TMEM120B: variants seen among roughly 807,000 people sequenced by gnomAD.
TMEM120B encodes transmembrane protein 120B.
Under a neutral mutation model 55.5 loss-of-function variants are expected in TMEM120B, and 31 were observed. The ratio of observed to expected loss-of-function variants is 0.56; its 90% CI spans 0.42 to 0.75. The LOEUF is 0.75. Ranked by LOEUF, TMEM120B falls within the 30% of genes least tolerant of loss-of-function variation. The pLI, the probability that TMEM120B is intolerant of heterozygous loss-of-function variation, is 0.00. For missense variants in TMEM120B, 399 were observed against 425.5 expected (o/e 0.94, Z 0.55); for synonymous variants, 203 against 176.3 (o/e 1.15, Z -1.20).
At chr12:121,714,817 C>T (rs926809512) in intron 1 of TMEM120B, among the ~76,000 whole-genome samples, 9 of 151,896 alleles carry the variant, frequency 5.9e-5, no homozygotes, top group Non-Finnish European at 1.2e-4. Context: ...GCCTCGGCCT[C>T]CCAAAGTGCT....
At chr12:121,715,686 G>A (rs1381524544) in intron 1 of TMEM120B, among the ~76,000 whole-genome samples, 1 of 152,082 alleles carries the variant, frequency 6.6e-6, no homozygotes, top group Non-Finnish European at 1.5e-5. Context: ...TGGGTCAGGG[G>A]CCAGTCAGGG....
chr12:121,749,247 T>A (rs914434719), intron 3 of TMEM120B, among the ~76,000 whole-genome samples: 6 of 152,210 alleles, frequency 3.9e-5, no homozygotes, highest in African/African-American at 9.6e-5. Flanking sequence ...TAAGTGATGA[T>A]CATTTTCTGC....
chr12:121,713,073 C>A, intron 1 of TMEM120B, 109 bp downstream of exon 1: 1 of 893,682 alleles, frequency 1.1e-6, no homozygotes, highest in Non-Finnish European at 1.6e-6. Context: ...CTAGGGAGTG[C>A]CCCGGAGAGG....
intron 1 of TMEM120B, among the ~76,000 whole-genome samples, chr12:121,735,312 A>G (rs536120702): frequency 1.3e-4 from 20 of 152,290 alleles, no homozygotes; most frequent in African/African-American, 4.3e-4. Context: ...TATTTTATGA[A>G]GTCATATCTG....
intron 5 of TMEM120B, among the ~76,000 whole-genome samples, chr12:121,761,232 G>A (rs1266638368): frequency 6.6e-6 from 1 of 152,296 alleles, no homozygotes; most frequent in South Asian, 2.1e-4. Flanking sequence ...ATCTGTCTCA[G>A]CCTCCCCAAG....
At chr12:121,770,538 C>T (rs961104168) in intron 6 of TMEM120B, among the ~76,000 whole-genome samples, 5 of 151,882 alleles carry the variant, frequency 3.3e-5, no homozygotes, top group African/African-American at 1.2e-4. Flanking sequence ...GGCCTGCGTG[C>T]TGGGGAGAAG....
Position 121,775,451 on chromosome 12 carries a change from T to C in TMEM120B, c.907-158T>C. The C allele has an allele frequency of 4.1e-6, 4 of 984,848 alleles. No homozygotes were observed. The highest frequency in any genetic ancestry group is 4.8e-6 in the Non-Finnish European group (4 of 829,778). The allele number at this position is 984,848 out of a possible 1,614,324, so 61.0% of individuals were successfully genotyped here. Reference sequence around the variant, plus strand: ...CCAGGCCCTGCCCAAGCCTGAGGCCTCACCCTTCCCCCAGGTCTCCTGAAT... The same window carrying C: ...CCAGGCCCTGCCCAAGCCTGAGGCCCCACCCTTCCCCCAGGTCTCCTGAAT... On this transcript the variant is annotated intron_variant, in intron 11 of 11. Transcript: ENST00000449592. The surrounding 1 kb of genome is among the most constrained non-coding windows in gnomAD (Gnocchi z 4.3).
At chr12:121,730,219 G>A (rs774778701) in intron 1 of TMEM120B, among the ~76,000 whole-genome samples, 23 of 149,602 alleles carry the variant, frequency 1.5e-4, no homozygotes, top group Non-Finnish European at 3.1e-4. Flanking sequence ...GGATTGGGCC[G>A]CTGCACTCCA....
chr12:121,745,729 G>C (rs997521635), intron 2 of TMEM120B, among the ~76,000 whole-genome samples: 9 of 152,114 alleles, frequency 5.9e-5, no homozygotes, highest in African/African-American at 2.2e-4. Flanking sequence ...CTGTCACCCA[G>C]GCTGGAGTGC....
intron 8 of TMEM120B, among the ~76,000 whole-genome samples, chr12:121,771,903 G>T (rs568928177): frequency 3.2e-4 from 48 of 152,218 alleles, no homozygotes; most frequent in African/African-American, 1.1e-3. Context: ...TTTGTATACT[G>T]GTCCCAAGGG....
chr12:121,716,020 G>A (rs1894693966), intron 1 of TMEM120B, among the ~76,000 whole-genome samples: 1 of 149,930 alleles, frequency 6.7e-6, no homozygotes, highest in Non-Finnish European at 1.5e-5. Context: ...GGAGCTCGGT[G>A]CATTGGCTCA....
rs1874200096 is a variant in TMEM120B, at chr12:121,775,253, GGTGGGGTGT to G, written c.906+127_906+135del. ...GGAGGGCTGGGATGGCAGATGTGGG[GGTGGGGTGT>G]GTGCGTGTGTGTGGTGTGCTGTGGG... is the stretch of plus-strand genomic sequence containing the variant. On this transcript the variant is annotated intron_variant, in intron 11 of 11. Coordinates refer to ENST00000449592, the MANE Select transcript of TMEM120B (RefSeq NM_001080825.2). The surrounding 1 kb of genome is among the most constrained non-coding windows in gnomAD (Gnocchi z 4.3). The G allele has an allele frequency of 9.0e-7, 1 of 1,116,220 alleles. No individual in the cohort carries two copies. Among genetic ancestry groups the G allele is most frequent in the African/African-American group, 1.5e-5 (1 of 64,784 alleles). The allele number at this position is 1,116,220 out of a possible 1,614,324, so 69.1% of individuals were successfully genotyped here.
chr12:121,754,543 C>T (rs1873425616), intron 5 of TMEM120B, among the ~76,000 whole-genome samples: 1 of 152,190 alleles, frequency 6.6e-6, no homozygotes, highest in East Asian at 1.9e-4. Context: ...GGAGGGAGGA[C>T]CCTTCCTCGC....
intron 10 of TMEM120B, 76 bp downstream of exon 10, chr12:121,774,798 C>T: frequency 6.6e-7 from 1 of 1,516,822 alleles, no homozygotes; most frequent in Non-Finnish European, 9.0e-7. Flanking sequence ...AGGCCTTGCC[C>T]TCCTTCTCCA....
At chr12:121,723,519 G>T (rs1039581269) in intron 1 of TMEM120B, among the ~76,000 whole-genome samples, 2 of 152,190 alleles carry the variant, frequency 1.3e-5, no homozygotes, top group Non-Finnish European at 2.9e-5. Context: ...AGGAGCTGTA[G>T]TGGATGAAGG....
At chr12:121,736,053 A>C (rs755866743) in intron 1 of TMEM120B, among the ~76,000 whole-genome samples, 43 of 152,174 alleles carry the variant, frequency 2.8e-4, no homozygotes, top group Non-Finnish European at 1.0e-4. Flanking sequence ...GAAAAACTAC[A>C]TAGTAACACC....
At chr12:121,754,723 T>C (rs1431290587) in intron 5 of TMEM120B, among the ~76,000 whole-genome samples, 1 of 152,182 alleles carries the variant, frequency 6.6e-6, no homozygotes, top group Admixed American at 6.6e-5. Flanking sequence ...TTTGAACTAA[T>C]TCCATCTACA....
At chr12:121,746,198 T>G (rs1190677084) in intron 2 of TMEM120B, among the ~76,000 whole-genome samples, 2 of 150,424 alleles carry the variant, frequency 1.3e-5, no homozygotes, top group East Asian at 3.9e-4. Flanking sequence ...CACTTTTTTT[T>G]TTTTTTGAGA....
At chr12:121,767,934 G>A (rs2137345291) in intron 6 of TMEM120B, among the ~76,000 whole-genome samples, 1 of 152,334 alleles carries the variant, frequency 6.6e-6, no homozygotes, top group East Asian at 1.9e-4. Flanking sequence ...GGGAGCTTTG[G>A]GAGCAGGACA....
Sources: gnomAD v4.1 joint callset for allele counts (sites outside exome capture counted in the v4.1 genomes callset) on GRCh38, gnomAD v4.1.1 for gene constraint, Gnocchi (gnomAD v3.1) non-coding constraint, MANE v1.5 for transcripts, NCBI Gene and HGNC (gene_info 2026-07-23, HGNC 2026-07-21) for gene names.